Variants in FARS2 observed in about 807,000 individuals in gnomAD.
FARS2 encodes the protein phenylalanine--tRNA ligase, mitochondrial.
FARS2 carries 40 observed loss-of-function variants against 46.4 expected under a neutral mutation model. The observed-to-expected ratio is 0.86, with a 90% CI of 0.67 to 1.12. The LOEUF (loss-of-function observed/expected upper bound fraction) is 1.12, where lower values mean the gene tolerates loss of function less well. Among genes scored for constraint, FARS2 ranks in the 50% most tolerant of loss-of-function variants. The pLI is 0.00. For missense variants in FARS2, 513 were observed against 567.9 expected, an observed-to-expected ratio of 0.90 and a Z score of 0.98; for synonymous variants, 234 against 214.9, an observed-to-expected ratio of 1.09 and a Z score of -0.78.
intron 5 of FARS2, among the ~76,000 whole-genome samples, chr6:5,561,087 T>C (rs1771953716): frequency 6.6e-6 from 1 of 152,128 alleles, no homozygotes; most frequent in African/African-American, 2.4e-5. Flanking sequence ...GCCGAGATCA[T>C]GCCACTGCAC....
intron 1 of FARS2, among the ~76,000 whole-genome samples, chr6:5,323,073 T>G (rs1770099038): frequency 6.6e-6 from 1 of 152,190 alleles, no homozygotes; most frequent in South Asian, 2.1e-4. Context: ...AATCTGTGTT[T>G]TCAGGTTTTA....
chr6:5,256,003 G>A, the FARS2 span, among the ~76,000 whole-genome samples: 2 of 151,946 alleles, frequency 1.3e-5, no homozygotes, highest in Admixed American at 1.3e-4. Context: ...AGTACTTGAT[G>A]TGTATTAACT....
At chr6:5,706,296 G>A (rs534250962) in intron 6 of FARS2, among the ~76,000 whole-genome samples, 3 of 152,314 alleles carry the variant, frequency 2.0e-5, no homozygotes, top group East Asian at 1.9e-4. Context: ...GGACACAAAC[G>A]GGTACTGGTC....
intron 5 of FARS2, among the ~76,000 whole-genome samples, chr6:5,587,822 A>C (rs1388563046): frequency 2.0e-5 from 3 of 152,214 alleles, no homozygotes; most frequent in Non-Finnish European, 4.4e-5. Context: ...CCTTGGGATC[A>C]TAACTCTCTA....
intron 4 of FARS2, among the ~76,000 whole-genome samples, chr6:5,539,307 C>T (rs779432534): frequency 2.1e-4 from 31 of 149,362 alleles, no homozygotes; most frequent in Non-Finnish European, 4.0e-4. Flanking sequence ...CCCTGGTTCA[C>T]GCCATTCTCC....
chr6:5,516,080 C>G (rs1193166907), intron 4 of FARS2, among the ~76,000 whole-genome samples: 1 of 152,136 alleles, frequency 6.6e-6, no homozygotes, highest in Non-Finnish European at 1.5e-5. Context: ...CAGTGGTTGA[C>G]CCCTCCATGT....
intron 6 of FARS2, among the ~76,000 whole-genome samples, chr6:5,744,624 C>T (rs530254630): frequency 2.6e-5 from 4 of 152,248 alleles, no homozygotes; most frequent in African/African-American, 9.6e-5. Context: ...ATCGGGAAGG[C>T]GCTCACTTTC....
intron 4 of FARS2, among the ~76,000 whole-genome samples, chr6:5,517,675 C>A (rs1768894760): frequency 6.6e-6 from 1 of 151,208 alleles, no homozygotes; most frequent in South Asian, 2.1e-4. Flanking sequence ...GTTTCAAAGA[C>A]TTAGTTCAAA....
chr6:5,580,950 T>C (rs995816399), intron 5 of FARS2, among the ~76,000 whole-genome samples: 8 of 152,210 alleles, frequency 5.3e-5, no homozygotes, highest in African/African-American at 1.9e-4. Flanking sequence ...TTTGGGAAAG[T>C]TGTCTATTCA....
At chr6:5,691,189 C>T (rs1013021433) in intron 6 of FARS2, among the ~76,000 whole-genome samples, 22 of 152,282 alleles carry the variant, frequency 1.4e-4, no homozygotes, top group African/African-American at 4.6e-4. Flanking sequence ...TCTCTCAACT[C>T]GTCAAAGTCA....
chr6:5,749,912 G>A (rs566459014), intron 6 of FARS2, among the ~76,000 whole-genome samples: 25 of 152,316 alleles, frequency 1.6e-4, no homozygotes, highest in African/African-American at 4.8e-4. Flanking sequence ...CTGGCCGAGC[G>A]GAGTGGCCCT....
chr6:5,399,545 C>T (rs1204524733), intron 2 of FARS2, among the ~76,000 whole-genome samples: 1 of 152,172 alleles, frequency 6.6e-6, no homozygotes, highest in African/African-American at 2.4e-5. Context: ...ACTTAGAGGT[C>T]ATGACCCCCA....
intron 4 of FARS2, among the ~76,000 whole-genome samples, chr6:5,491,462 T>C (rs1331989284): frequency 1.3e-5 from 2 of 152,110 alleles, no homozygotes; most frequent in Non-Finnish European, 2.9e-5. Flanking sequence ...CCCTGCATTT[T>C]CCTAAAGTGA....
chr6:5,663,396 G>C (rs997776398), intron 6 of FARS2, among the ~76,000 whole-genome samples: 30 of 152,302 alleles, frequency 2.0e-4, no homozygotes, highest in African/African-American at 7.2e-4. Flanking sequence ...GGAATCATTT[G>C]CCGTAAAGAT....
chr6:5,549,224 C>T (rs1314720510), intron 5 of FARS2, among the ~76,000 whole-genome samples: 1 of 151,326 alleles, frequency 6.6e-6, no homozygotes, highest in Non-Finnish European at 1.5e-5. Context: ...GGTACATGTG[C>T]ACAACGTGCA....
At chr6:5,353,587 G>A (rs1757710393) in intron 1 of FARS2, among the ~76,000 whole-genome samples, 4 of 152,096 alleles carry the variant, frequency 2.6e-5, no homozygotes, top group Admixed American at 2.0e-4. Context: ...ATTCTAACCG[G>A]GGCAAGGTGA....
chr6:5,562,386 A>G (rs1772037138), intron 5 of FARS2, among the ~76,000 whole-genome samples: 1 of 152,168 alleles, frequency 6.6e-6, no homozygotes, highest in Admixed American at 6.5e-5. Flanking sequence ...ATACCTGATC[A>G]AGAGTATTGA....
chr6:5,537,435 G>A (rs376696180), intron 4 of FARS2, among the ~76,000 whole-genome samples: 11 of 151,096 alleles, frequency 7.3e-5, no homozygotes, highest in African/African-American at 2.4e-4. Flanking sequence ...GCCTCCTCTC[G>A]AGTTGGAGAT....
chr6:5,261,504 C>G (rs1447503644), upstream of FARS2: 1 of 152,404 alleles, frequency 6.6e-6, no homozygotes, highest in Non-Finnish European at 1.5e-5. Context: ...GCGTAGGGGC[C>G]TCTGGGGCAG....
Sources: allele counts gnomAD v4.1 joint callset (sites outside exome capture counted in the v4.1 genomes callset), GRCh38; gene constraint gnomAD v4.1.1; transcripts MANE v1.5; gene names NCBI Gene and HGNC (gene_info 2026-07-23, HGNC 2026-07-21).